PDE1C: variants seen among roughly 807,000 people sequenced by gnomAD.
The protein encoded by PDE1C is dual specificity calcium/calmodulin-dependent 3',5'-cyclic nucleotide phosphodiesterase 1C.
Under a neutral mutation model 93.1 loss-of-function variants are expected in PDE1C, and 62 were observed. The observed-to-expected ratio is 0.67, with a 90% CI of 0.54 to 0.82. The LOEUF is 0.82. PDE1C is among the 40% of genes least tolerant of loss of function. The probability of loss-of-function intolerance (pLI) is 0.00; values close to 1 mark genes in which losing one functional copy is unlikely to be tolerated. For synonymous variants in PDE1C, 325 were observed against 310.1 expected, an observed-to-expected ratio of 1.05 and a Z score of -0.50; for missense variants, 742 against 884.6, an observed-to-expected ratio of 0.84 and a Z score of 2.04.
chr7:31,753,360 A>C lies in PDE1C; in HGVS notation c.*24T>G. The C allele has an allele frequency of 6.2e-7, 1 of 1,601,774 alleles. No homozygotes were observed. ...GAAGCAGATAGGTAGACCCTCCTTCACTCCCTCTCTTCTTCCCCTCGGCCT... is the reference window on the plus strand; with the variant it reads ...GAAGCAGATAGGTAGACCCTCCTTCCCTCCCTCTCTTCTTCCCCTCGGCCT... On this transcript the variant is annotated 3_prime_UTR_variant, in exon 18 of 18. Transcript: ENST00000396191.
At chr7:31,839,181 T>TACGTATGTATACACACATACATAC (rs1791510361) in intron 9 of PDE1C, among the ~76,000 whole-genome samples, 2 of 149,246 alleles carry the variant, frequency 1.3e-5, no homozygotes, top group Admixed American at 6.8e-5. Context: ...CACATACATA[T>TACGTATGTATACACACATACATAC]ACGTATGTAT....
intron 1 of PDE1C, among the ~76,000 whole-genome samples, chr7:32,377,083 C>A (rs2128089233): frequency 6.6e-6 from 1 of 152,242 alleles, no homozygotes; most frequent in African/African-American, 2.4e-5. Flanking sequence ...TCTGCTGTAG[C>A]CATTCCCTCC....
chr7:31,833,425 G>C (rs192181828), intron 11 of PDE1C, among the ~76,000 whole-genome samples: 38 of 152,314 alleles, frequency 2.5e-4, no homozygotes, highest in African/African-American at 8.2e-4. Context: ...AACAGGCAGA[G>C]GTTGGAACAG....
intron 1 of PDE1C, among the ~76,000 whole-genome samples, chr7:32,254,571 G>C (rs1267858140): frequency 6.6e-6 from 1 of 152,196 alleles, no homozygotes; most frequent in African/African-American, 2.4e-5. Flanking sequence ...TTTCTAGGTA[G>C]ATAATGAAGA....
At chr7:31,849,318 T>C (rs569699075) in intron 8 of PDE1C, among the ~76,000 whole-genome samples, 25 of 152,326 alleles carry the variant, frequency 1.6e-4, no homozygotes, top group Admixed American at 1.6e-3. Context: ...CCATGGTCTC[T>C]GTCCTCAGAG....
intron 3 of PDE1C, among the ~76,000 whole-genome samples, chr7:32,147,375 T>C (rs1800961588): frequency 6.6e-6 from 1 of 152,072 alleles, no homozygotes; most frequent in South Asian, 2.1e-4. Context: ...AAAATGTTTG[T>C]CTTTGGGAAA....
intron 16 of PDE1C, among the ~76,000 whole-genome samples, chr7:31,780,664 A>G (rs1783334355): frequency 6.6e-6 from 1 of 152,256 alleles, no homozygotes; most frequent in African/African-American, 2.4e-5. Context: ...CAATGTCAGG[A>G]CAATAATTGC....
chr7:32,043,986 A>C (rs1215979157), intron 2 of PDE1C, among the ~76,000 whole-genome samples: 1 of 152,194 alleles, frequency 6.6e-6, no homozygotes, highest in Non-Finnish European at 1.5e-5. Context: ...CATGATAGAA[A>C]TATATGAAGG....
intron 1 of PDE1C, among the ~76,000 whole-genome samples, chr7:32,377,891 T>C (rs1334282327): frequency 6.6e-6 from 1 of 152,138 alleles, no homozygotes; most frequent in Non-Finnish European, 1.5e-5. Context: ...AGTTTCCTTG[T>C]TTGTTTTGTG....
At chr7:32,257,347 C>G (rs1809879582) in intron 1 of PDE1C, among the ~76,000 whole-genome samples, 1 of 152,158 alleles carries the variant, frequency 6.6e-6, no homozygotes. Context: ...GTCCTTGGAA[C>G]AGAGCAAAGG....
intron 1 of PDE1C, among the ~76,000 whole-genome samples, chr7:32,383,997 T>G (rs561210136): frequency 6.6e-6 from 1 of 152,290 alleles, no homozygotes; most frequent in Admixed American, 6.5e-5. Flanking sequence ...CACAATCAGA[T>G]CAAAGGAAGT....
intron 2 of PDE1C, among the ~76,000 whole-genome samples, chr7:32,023,831 T>A (rs891492567): frequency 1.3e-5 from 2 of 152,086 alleles, no homozygotes; most frequent in East Asian, 3.9e-4. Flanking sequence ...GGCTGTTGAT[T>A]GTGGAGGTAA....
intron 2 of PDE1C, among the ~76,000 whole-genome samples, chr7:32,049,139 T>C (rs1262331434): frequency 6.6e-6 from 1 of 152,174 alleles, no homozygotes; most frequent in Non-Finnish European, 1.5e-5. Context: ...TGCCCTCTAA[T>C]CTGAGTGATT....
chr7:32,318,956 G>A (rs138653727), intron 1 of PDE1C, among the ~76,000 whole-genome samples: 2 of 152,190 alleles, frequency 1.3e-5, no homozygotes, highest in African/African-American at 4.8e-5. Flanking sequence ...ATCAGCGTTG[G>A]TGCATTGAGA....
At chr7:32,419,028 C>T (rs1785332444) in intron 1 of PDE1C, among the ~76,000 whole-genome samples, 1 of 152,076 alleles carries the variant, frequency 6.6e-6, no homozygotes, top group Non-Finnish European at 1.5e-5. Context: ...TAAGGGAGCC[C>T]AGTACTCTGA....
intron 2 of PDE1C, among the ~76,000 whole-genome samples, chr7:31,982,441 C>G (rs753054734): frequency 4.6e-5 from 7 of 151,976 alleles, no homozygotes; most frequent in Non-Finnish European, 8.8e-5. Flanking sequence ...CTCTCAATAG[C>G]CTATAAAAAG....
chr7:31,816,190 G>A, intron 14 of PDE1C, 36 bp from the exon 15 acceptor site: 1 of 1,585,046 alleles, frequency 6.3e-7, no homozygotes, highest in Non-Finnish European at 8.6e-7. Context: ...CCACAGAAAA[G>A]AGAAAAAGAG....
chr7:31,638,546 T>G, the PDE1C span, among the ~76,000 whole-genome samples: 3 of 152,200 alleles, frequency 2.0e-5, no homozygotes, highest in African/African-American at 7.2e-5. Flanking sequence ...TTATCTTTTT[T>G]AAAGATGTAG....
intron 2 of PDE1C, among the ~76,000 whole-genome samples, chr7:31,994,105 T>C (rs1448353467): frequency 6.6e-6 from 1 of 152,182 alleles, no homozygotes; most frequent in South Asian, 2.1e-4. Flanking sequence ...CAGTAGCAAG[T>C]GCACCAAGCC....
Sources: gnomAD v4.1 joint callset for allele counts (sites outside exome capture counted in the v4.1 genomes callset) on GRCh38, gnomAD v4.1.1 for gene constraint, MANE v1.5 for transcripts, NCBI Gene and HGNC (gene_info 2026-07-23, HGNC 2026-07-21) for gene names.